SNX29: variants seen among roughly 807,000 people sequenced by gnomAD.
SNX29 encodes the protein sorting nexin-29.
Under a neutral mutation model 102.1 loss-of-function variants are expected in SNX29, and 78 were observed. The observed-to-expected ratio is 0.76, with a 90% CI of 0.64 to 0.92. The LOEUF is 0.92. Among genes scored for constraint, SNX29 ranks in the 40% least tolerant of loss-of-function variants. SNX29 has a pLI of 0.00. For missense variants in SNX29, 1,280 were observed against 1,061.7 expected (o/e 1.21, Z -2.86); for synonymous variants, 580 against 414.5 (o/e 1.40, Z -4.85).
intron 15 of SNX29, among the ~76,000 whole-genome samples, chr16:12,289,115 C>T (rs1002449662): frequency 1.3e-5 from 2 of 152,186 alleles, no homozygotes; most frequent in South Asian, 2.1e-4. Context: ...TTCTAGCTGG[C>T]GACACGGTTT....
chr16:12,266,447 C>T (rs1333948428), intron 14 of SNX29, among the ~76,000 whole-genome samples: 2 of 152,170 alleles, frequency 1.3e-5, no homozygotes, highest in African/African-American at 2.4e-5. Context: ...TTCCAACCAA[C>T]CAGCCCCTCT....
chr16:11,981,072 A>G (rs946180879), intron 1 of SNX29, among the ~76,000 whole-genome samples: 8 of 151,438 alleles, frequency 5.3e-5, no homozygotes, highest in Non-Finnish European at 1.0e-4. Flanking sequence ...GGTTCAAGTG[A>G]TTCTCCTGCC....
chr16:12,152,347 A>C (rs1197255637), intron 13 of SNX29, among the ~76,000 whole-genome samples: 1 of 152,188 alleles, frequency 6.6e-6, no homozygotes, highest in Non-Finnish European at 1.5e-5. Context: ...CCACATCCAG[A>C]CCAGGTAACT....
intron 11 of SNX29, among the ~76,000 whole-genome samples, chr16:12,113,122 C>G (rs1034928898): frequency 6.6e-6 from 1 of 152,236 alleles, no homozygotes; most frequent in Non-Finnish European, 1.5e-5. Context: ...TGCTTCCCTT[C>G]CCTGCTCTCC....
chr16:12,045,610 A>ATATTAT (rs68189960), intron 5 of SNX29, among the ~76,000 whole-genome samples: 5,616 of 127,232 alleles, frequency 0.044, 203 homozygotes, highest in Middle Eastern at 0.059. Flanking sequence ...GGCAGGCATT[A>ATATTAT]TATTATTATT....
intron 18 of SNX29, among the ~76,000 whole-genome samples, chr16:12,439,943 A>C (rs568190372): frequency 2.0e-5 from 3 of 152,338 alleles, no homozygotes; most frequent in African/African-American, 7.2e-5. Flanking sequence ...CTGGCTGGCC[A>C]AACCGTCCAG....
chr16:12,166,967 C>T (rs1353473024), intron 13 of SNX29, among the ~76,000 whole-genome samples: 4 of 152,212 alleles, frequency 2.6e-5, no homozygotes, highest in Non-Finnish European at 5.9e-5. Context: ...GCTCTCCTTA[C>T]GTGGATCAGC....
chr16:12,303,722 T>C (rs1179542380), intron 15 of SNX29, among the ~76,000 whole-genome samples: 1 of 152,252 alleles, frequency 6.6e-6, no homozygotes, highest in Non-Finnish European at 1.5e-5. Flanking sequence ...ATTTCCTATA[T>C]GTAGATATGC....
chr16:12,074,976 A>G (rs917105680), intron 10 of SNX29, among the ~76,000 whole-genome samples: 31 of 152,250 alleles, frequency 2.0e-4, no homozygotes, highest in Non-Finnish European at 2.8e-4. Context: ...AGGCTTCTGC[A>G]TTCTTCACCT....
rs1347917693 is a variant in SNX29 at position 12,569,881 on chromosome 16, T to G, written c.*1252T>G. 5 of 231,602 alleles carry G rather than the reference T, an allele frequency of 2.2e-5. No homozygotes were observed. Among genetic ancestry groups the G allele is most frequent in the African/African-American group, 1.1e-4 (5 of 45,358 alleles). 14.3% of individuals were successfully genotyped at this position (231,602 alleles called of 1,614,324 possible). ...GAAATGGACTATGCAAGAGTAAGTT[T>G]GTGTGTTTCGCCTTAATCTGAGGCA... On this transcript the variant is annotated 3_prime_UTR_variant, in exon 21 of 21. Coordinates refer to ENST00000566228, the MANE Select transcript of SNX29 (RefSeq NM_032167.5).
At chr16:12,270,819 A>G (rs2079069532) in intron 14 of SNX29, among the ~76,000 whole-genome samples, 1 of 152,116 alleles carries the variant, frequency 6.6e-6, no homozygotes, top group South Asian at 2.1e-4. Flanking sequence ...AGGCGGGTAG[A>G]TCGCCTGCGG....
chr16:12,348,134 C>T (rs547059446), intron 15 of SNX29, among the ~76,000 whole-genome samples: 10 of 152,122 alleles, frequency 6.6e-5, no homozygotes, highest in Non-Finnish European at 1.2e-4. Context: ...TGATTCTTTA[C>T]ACAAGGTCAT....
chr16:12,335,774 A>G (rs935917181), intron 15 of SNX29, among the ~76,000 whole-genome samples: 3 of 151,882 alleles, frequency 2.0e-5, no homozygotes, highest in Non-Finnish European at 2.9e-5. Context: ...CCTTCCCCAG[A>G]TTATTTCAGT....
At chr16:12,457,186 T>A (rs1021737135) in intron 18 of SNX29, among the ~76,000 whole-genome samples, 5 of 152,218 alleles carry the variant, frequency 3.3e-5, no homozygotes, top group Admixed American at 1.3e-4. Flanking sequence ...CTAATAACAG[T>A]ACAATAAACA....
At chr16:12,408,442 A>G (rs564437637) in intron 18 of SNX29, among the ~76,000 whole-genome samples, 6 of 152,360 alleles carry the variant, frequency 3.9e-5, no homozygotes, top group African/African-American at 1.4e-4. Flanking sequence ...CTGGTCCACA[A>G]TAACTTCTGT....
At chr16:12,231,577 T>C (rs2077771838) in intron 14 of SNX29, among the ~76,000 whole-genome samples, 1 of 152,184 alleles carries the variant, frequency 6.6e-6, no homozygotes, top group Admixed American at 6.5e-5. Flanking sequence ...ACTTTTACTA[T>C]ACTGTAAAAT....
At chr16:12,428,734 A>G (rs1056724739) in intron 18 of SNX29, among the ~76,000 whole-genome samples, 1 of 152,206 alleles carries the variant, frequency 6.6e-6, no homozygotes, top group East Asian at 1.9e-4. Context: ...TAATCACACC[A>G]CATAGATACT....
intron 16 of SNX29, among the ~76,000 whole-genome samples, chr16:12,366,661 C>A (rs913378439): frequency 6.6e-6 from 1 of 152,194 alleles, no homozygotes; most frequent in African/African-American, 2.4e-5. Flanking sequence ...GCCTCTGCCA[C>A]CTGGGCTGTC....
At chr16:12,483,472 C>A (rs1290996514) in intron 19 of SNX29, among the ~76,000 whole-genome samples, 1 of 151,732 alleles carries the variant, frequency 6.6e-6, no homozygotes, top group Non-Finnish European at 1.5e-5. Flanking sequence ...TGTGTGCCAC[C>A]ACGCCTGGTA....
Sources: allele counts gnomAD v4.1 joint callset (sites outside exome capture counted in the v4.1 genomes callset), GRCh38; gene constraint gnomAD v4.1.1; transcripts MANE v1.5; gene names NCBI Gene and HGNC (gene_info 2026-07-23, HGNC 2026-07-21).